Variants in SDK1 observed in about 807,000 individuals in gnomAD.
The protein encoded by SDK1 is protein sidekick-1.
Under a neutral mutation model 245.5 loss-of-function variants are expected in SDK1, and 157 were observed. The observed-to-expected ratio is 0.64, with a 90% CI of 0.56 to 0.73. SDK1 has a LOEUF of 0.73. Ranked by LOEUF, SDK1 falls within the 30% of genes least tolerant of loss-of-function variation. The pLI is 0.00. For synonymous variants in SDK1, 1,647 were observed against 1,278.5 expected, an observed-to-expected ratio of 1.29 and a Z score of -6.15; for missense variants, 3,583 against 3,002.3, an observed-to-expected ratio of 1.19 and a Z score of -4.52.
chr7:3,597,424 C>A (rs551474324), intron 1 of SDK1, among the ~76,000 whole-genome samples: 1 of 152,194 alleles, frequency 6.6e-6, no homozygotes, highest in Admixed American at 6.5e-5. Flanking sequence ...AACCTCAAAT[C>A]CCACTGGGAA....
chr7:3,796,520 C>T (rs548089261), intron 4 of SDK1, among the ~76,000 whole-genome samples: 7 of 146,826 alleles, frequency 4.8e-5, no homozygotes, highest in African/African-American at 1.6e-4. Flanking sequence ...ATGCCCCTCT[C>T]CCCCCCAGCC....
intron 5 of SDK1, among the ~76,000 whole-genome samples, chr7:3,870,974 A>G (rs1780941327): frequency 6.6e-6 from 1 of 152,172 alleles, no homozygotes; most frequent in Non-Finnish European, 1.5e-5. Flanking sequence ...ATTGTATTAA[A>G]CTATAGATCA....
intron 4 of SDK1, among the ~76,000 whole-genome samples, chr7:3,768,449 C>T (rs1757334116): frequency 6.6e-6 from 1 of 152,160 alleles, no homozygotes; most frequent in Admixed American, 6.5e-5. Flanking sequence ...CTTCAAAGAG[C>T]ATTTCATTAA....
In SDK1 at chr7:3,590,778, C is replaced by CTTTT. The variant is rs34165148; in HGVS notation, c.299-28283_299-28280dup. Among the ~76,000 whole-genome samples the CTTTT allele has an allele frequency of 3.8e-4, 44 of 115,200 alleles. 1 individual carries two copies. Among genetic ancestry groups the CTTTT allele is most frequent in the East Asian group, 2.7e-3 (11 of 4,058 alleles). 75.6% of individuals were successfully genotyped at this position (115,200 alleles called of 152,430 possible). ...TCTGCAGTGAGGGCTGAGTATAGCA[C>CTTTT]TTTTTTTTTTTTTTTTTTTTTTAAG... On this transcript the variant is annotated intron_variant, in intron 1 of 44. Transcript: ENST00000404826.
At chr7:3,473,361 T>G (rs988705630) in intron 1 of SDK1, among the ~76,000 whole-genome samples, 40 of 152,352 alleles carry the variant, frequency 2.6e-4, no homozygotes, top group Non-Finnish European at 1.0e-4. Flanking sequence ...TTCAAATGCT[T>G]ACAATAATTA....
At chr7:3,604,581 T>G (rs929117181) in intron 1 of SDK1, among the ~76,000 whole-genome samples, 3 of 148,960 alleles carry the variant, frequency 2.0e-5, no homozygotes, top group East Asian at 3.9e-4. Flanking sequence ...AATTCCAGAC[T>G]TTTTCTTTTT....
At chr7:4,097,715 T>C (rs917411344) in intron 22 of SDK1, among the ~76,000 whole-genome samples, 1 of 152,210 alleles carries the variant, frequency 6.6e-6, no homozygotes, top group Non-Finnish European at 1.5e-5. Context: ...TTCTGTCTCC[T>C]CCTTCCCTCC....
intron 5 of SDK1, among the ~76,000 whole-genome samples, chr7:3,879,757 T>A (rs1403611042): frequency 6.6e-6 from 1 of 152,212 alleles, no homozygotes; most frequent in Non-Finnish European, 1.5e-5. Flanking sequence ...GTACTTCCCC[T>A]GCTTGTAGAG....
At chr7:4,155,919 G>A (rs1438984127) in intron 30 of SDK1, among the ~76,000 whole-genome samples, 1 of 152,182 alleles carries the variant, frequency 6.6e-6, no homozygotes, top group East Asian at 1.9e-4. Flanking sequence ...GAAGATGAAG[G>A]GAAGGAACAG....
In SDK1 at chr7:4,266,139, G is replaced by C; in HGVS notation, c.*755G>C. On this transcript the variant is annotated 3_prime_UTR_variant, in exon 45 of 45. Transcript: ENST00000404826. ...CTTAGGGCTGGAAGCCACCACGCTG[G>C]CCCTCTCCTTCCCCGAACACAGCAC... 1 of 985,506 alleles carries C rather than the reference G, an allele frequency of 1.0e-6. No homozygotes were observed. The highest frequency in any genetic ancestry group is 4.7e-5 in the South Asian group (1 of 21,290). The allele number at this position is 985,506 out of a possible 1,614,324, so 61.0% of individuals were successfully genotyped here.
chr7:3,719,917 C>T (rs1785315518), intron 4 of SDK1, among the ~76,000 whole-genome samples: 1 of 151,280 alleles, frequency 6.6e-6, no homozygotes, highest in Non-Finnish European at 1.5e-5. Flanking sequence ...GCGGAAGTTG[C>T]AGTGAGCCGA....
At chr7:4,012,882 G>A (rs769923335) in intron 16 of SDK1, among the ~76,000 whole-genome samples, 1 of 152,040 alleles carries the variant, frequency 6.6e-6, no homozygotes, top group Non-Finnish European at 1.5e-5. Flanking sequence ...TGGCCTCATT[G>A]TAGGTCTTTT....
chr7:3,858,228 CATATA>C (rs1253914163), intron 5 of SDK1, among the ~76,000 whole-genome samples: 1 of 151,928 alleles, frequency 6.6e-6, no homozygotes, highest in African/African-American at 2.4e-5. Flanking sequence ...CTAAACAGTA[CATATA>C]ATATGATATC....
At chr7:3,422,547 A>G (rs1277826515) in intron 1 of SDK1, among the ~76,000 whole-genome samples, 1 of 152,146 alleles carries the variant, frequency 6.6e-6, no homozygotes, top group East Asian at 1.9e-4. Flanking sequence ...AACCCTAGTA[A>G]CTTGGGAGGC....
chr7:3,586,221 T>C (rs1045086587), intron 1 of SDK1, among the ~76,000 whole-genome samples: 2 of 150,826 alleles, frequency 1.3e-5, no homozygotes, highest in African/African-American at 2.4e-5. Flanking sequence ...GGAAGAGAGG[T>C]AGGATTTAAG....
chr7:4,152,925 T>G (rs560004704), intron 30 of SDK1, among the ~76,000 whole-genome samples: 2 of 152,198 alleles, frequency 1.3e-5, no homozygotes, highest in South Asian at 4.2e-4. Context: ...CAGTGTCTGG[T>G]TGGTGGTTGA....
chr7:4,029,137 G>C (rs1355407445), intron 17 of SDK1, among the ~76,000 whole-genome samples: 1 of 131,800 alleles, frequency 7.6e-6, no homozygotes. Flanking sequence ...CTTTTCCGAG[G>C]GGGGTGGGGG....
chr7:4,145,608 A>T (rs1157303904), intron 28 of SDK1, 114 bp from the exon 29 acceptor site: 2 of 908,710 alleles, frequency 2.2e-6, no homozygotes, highest in Non-Finnish European at 3.3e-6. Context: ...TGACCTCCAG[A>T]GACGGGGAAG....
intron 5 of SDK1, among the ~76,000 whole-genome samples, chr7:3,848,551 G>A (rs1780338031): frequency 6.6e-6 from 1 of 152,130 alleles, no homozygotes; most frequent in African/African-American, 2.4e-5. Context: ...AATAGAAGTT[G>A]ATTCCCTTAA....
Sources: allele counts gnomAD v4.1 joint callset (sites outside exome capture counted in the v4.1 genomes callset), GRCh38; gene constraint gnomAD v4.1.1; transcripts MANE v1.5; gene names NCBI Gene and HGNC (gene_info 2026-07-23, HGNC 2026-07-21).